The following FGF12 variants were observed in gnomAD, a reference collection of about 807,000 sequenced individuals.
The protein encoded by FGF12 is fibroblast growth factor 12B.
FGF12 carries 14 observed loss-of-function variants against 23.6 expected under a neutral mutation model. That is an observed-to-expected ratio of 0.59 (90% CI 0.39 to 0.93). The LOEUF (loss-of-function observed/expected upper bound fraction) is 0.93. FGF12 is among the 40% of genes least tolerant of loss of function. The pLI is 0.00. For synonymous variants in FGF12, 62 were observed against 77.3 expected, an observed-to-expected ratio of 0.80 and a Z score of 1.04; for missense variants, 175 against 217.8, an observed-to-expected ratio of 0.80 and a Z score of 1.24.
chr3:192,643,289 T>C (rs1465587100), intron 2 of FGF12, among the ~76,000 whole-genome samples: 1 of 151,162 alleles, frequency 6.6e-6, no homozygotes, highest in African/African-American at 2.4e-5. Flanking sequence ...ACATGGAGAA[T>C]TACAAAATTT....
At chr3:192,447,742 T>C (rs1333353689) in intron 2 of FGF12, among the ~76,000 whole-genome samples, 3 of 152,204 alleles carry the variant, frequency 2.0e-5, no homozygotes, top group African/African-American at 7.2e-5. Context: ...AAAACTTAAG[T>C]TTTACCCATA....
At chr3:192,593,254 C>G (rs1206768508) in intron 2 of FGF12, among the ~76,000 whole-genome samples, 1 of 151,782 alleles carries the variant, frequency 6.6e-6, no homozygotes, top group Non-Finnish European at 1.5e-5. Flanking sequence ...GTCCCCATTG[C>G]TTAGACTCCA....
chr3:192,493,126 A>G (rs998659656), intron 2 of FGF12, among the ~76,000 whole-genome samples: 3 of 152,074 alleles, frequency 2.0e-5, no homozygotes, highest in African/African-American at 7.2e-5. Context: ...GGAAATATAA[A>G]GAGTCAGAGT....
At chr3:192,627,531 C>T (rs1212448530) in intron 2 of FGF12, among the ~76,000 whole-genome samples, 1 of 152,014 alleles carries the variant, frequency 6.6e-6, no homozygotes, top group Non-Finnish European at 1.5e-5. Flanking sequence ...ATTTCTACTC[C>T]CATCAGTACA....
rs548763793 is a variant in FGF12 at position 192,475,910 on chromosome 3, A to G, written c.14-115372T>C. Among the ~76,000 whole-genome samples, 42 of 152,144 alleles carry G rather than the reference A, an allele frequency of 2.8e-4. 1 individual carries two copies. The South Asian group carries it at 8.7e-3, about 32-fold the overall frequency. On this transcript the variant is annotated intron_variant, in intron 2 of 5. Coordinates refer to ENST00000445105, the MANE Select transcript of FGF12 (RefSeq NM_004113.6). ...TAGATAGATAATAGATAGATGGTAG[A>G]TATAGATGATAGATGATATAGATAG...
intron 4 of FGF12, among the ~76,000 whole-genome samples, chr3:192,231,203 G>T (rs56151277): frequency 0.033 from 4,950 of 152,100 alleles, 264 homozygotes; most frequent in African/African-American, 0.11. Flanking sequence ...ATATATTATT[G>T]ATGCAGGTTT....
At chr3:192,196,841 T>C (rs1717093067) in intron 4 of FGF12, among the ~76,000 whole-genome samples, 1 of 151,132 alleles carries the variant, frequency 6.6e-6, no homozygotes, top group African/African-American at 2.5e-5. Flanking sequence ...TCAGAGACCA[T>C]ATTTGCAAAG....
intron 3 of FGF12, among the ~76,000 whole-genome samples, chr3:192,340,807 T>C (rs1163873695): frequency 2.6e-5 from 4 of 152,072 alleles, no homozygotes; most frequent in Non-Finnish European, 5.9e-5. Flanking sequence ...ATAAAATTCA[T>C]TCAAAATGGA....
chr3:192,341,352 A>G (rs1352245175), intron 3 of FGF12, among the ~76,000 whole-genome samples: 1 of 152,218 alleles, frequency 6.6e-6, no homozygotes, highest in African/African-American at 2.4e-5. Flanking sequence ...CAAGAAATGT[A>G]TAATAAAATT....
chr3:192,309,965 T>C (rs909041206), intron 4 of FGF12, among the ~76,000 whole-genome samples: 3 of 152,194 alleles, frequency 2.0e-5, no homozygotes, highest in African/African-American at 7.2e-5. Flanking sequence ...ATGGGCTGAA[T>C]TAAACTACAC....
chr3:192,478,759 A>G (rs1041606069), intron 2 of FGF12, among the ~76,000 whole-genome samples: 1 of 152,222 alleles, frequency 6.6e-6, no homozygotes, highest in Admixed American at 6.5e-5. Flanking sequence ...AAAAACTATC[A>G]TAGTATTTAA....
intron 2 of FGF12, among the ~76,000 whole-genome samples, chr3:192,573,144 T>G (rs1337557802): frequency 1.3e-5 from 2 of 152,160 alleles, no homozygotes; most frequent in African/African-American, 4.8e-5. Context: ...AGTTGTTCTC[T>G]TCCTGTAGGA....
intron 2 of FGF12, among the ~76,000 whole-genome samples, chr3:192,394,556 A>C (rs1372780751): frequency 1.3e-5 from 2 of 152,216 alleles, no homozygotes; most frequent in African/African-American, 4.8e-5. Flanking sequence ...TAAAGCTGAA[A>C]GGAATTTCGG....
intron 2 of FGF12, among the ~76,000 whole-genome samples, chr3:192,511,891 G>C (rs1238625979): frequency 1.3e-5 from 2 of 152,092 alleles, no homozygotes; most frequent in Non-Finnish European, 2.9e-5. Flanking sequence ...TGATAATGTA[G>C]AGGAAAGACC....
At chr3:192,309,477 G>A (rs1014575739) in intron 4 of FGF12, among the ~76,000 whole-genome samples, 3 of 152,218 alleles carry the variant, frequency 2.0e-5, no homozygotes, top group South Asian at 4.2e-4. Context: ...AAGATAAGTC[G>A]GACACAGCCT....
intron 2 of FGF12, among the ~76,000 whole-genome samples, chr3:192,464,578 G>C (rs991098934): frequency 7.3e-5 from 11 of 151,296 alleles, no homozygotes; most frequent in African/African-American, 2.7e-4. Flanking sequence ...ATTGATTGAT[G>C]GGCATTTGGG....
chr3:192,471,762 T>C (rs1347092191), intron 2 of FGF12, among the ~76,000 whole-genome samples: 2 of 152,232 alleles, frequency 1.3e-5, no homozygotes, highest in African/African-American at 4.8e-5. Context: ...GTAGCTGAGT[T>C]TGCATGTATT....
intron 2 of FGF12, among the ~76,000 whole-genome samples, chr3:192,572,219 C>T (rs1382203210): frequency 1.3e-5 from 2 of 152,152 alleles, no homozygotes; most frequent in African/African-American, 4.8e-5. Context: ...TGAGCTCTTT[C>T]ACTTCTTCCA....
chr3:192,423,211 C>G (rs1576970970), intron 2 of FGF12, among the ~76,000 whole-genome samples: 4 of 152,114 alleles, frequency 2.6e-5, no homozygotes, highest in Admixed American at 2.0e-4. Context: ...CCCCCTGTTG[C>G]ATAATTTGTG....
Sources: gnomAD v4.1 joint callset for allele counts (sites outside exome capture counted in the v4.1 genomes callset) on GRCh38, gnomAD v4.1.1 for gene constraint, MANE v1.5 for transcripts, NCBI Gene and HGNC (gene_info 2026-07-23, HGNC 2026-07-21) for gene names.